ADGRF4: variants seen among roughly 807,000 people sequenced by gnomAD.
The protein encoded by ADGRF4 is G-protein coupled receptor PGR18.
A neutral mutation model predicts 58.5 loss-of-function variants in ADGRF4; 63 were observed. That is an observed-to-expected ratio of 1.08 (90% CI 0.88 to 1.33). The LOEUF (loss-of-function observed/expected upper bound fraction) is 1.33, where lower values mean the gene tolerates loss of function less well. Among genes scored for constraint, ADGRF4 ranks in the 40% most tolerant of loss-of-function variants. ADGRF4 has a pLI of 0.00. For missense variants in ADGRF4, 931 were observed against 843.9 expected (o/e 1.10, Z -1.28); for synonymous variants, 313 against 295.4 (o/e 1.06, Z -0.61).
At chr6:47,703,147 CTT>C (rs1771626163) in intron 1 of ADGRF4, among the ~76,000 whole-genome samples, 1 of 152,188 alleles carries the variant, frequency 6.6e-6, no homozygotes, top group South Asian at 2.1e-4. Flanking sequence ...TTTACTGAAA[CTT>C]TTCAGTTTGG....
intron 1 of ADGRF4, among the ~76,000 whole-genome samples, chr6:47,706,496 T>C (rs984725707): frequency 6.6e-6 from 1 of 152,226 alleles, no homozygotes; most frequent in Non-Finnish European, 1.5e-5. Context: ...TATAGGACAG[T>C]GGTTCTCAAC....
chr6:47,710,621 G>T lies in ADGRF4; in HGVS notation c.149-114G>T. 3.9e-6 allele frequency: 4 copies of T among 1,025,414 alleles called. No homozygotes were observed. The South Asian group carries it at 4.9e-5, about 13-fold the overall frequency. 63.5% of individuals were successfully genotyped at this position (1,025,414 alleles called of 1,614,324 possible). A position where few individuals can be genotyped will look rare whatever the true frequency, so the allele number is the denominator to read the frequency against. ...GCCGTGGACCCAGTTCAACCCAATT[G>T]CCTCCTCCAGGAAGCAATCCAAAAA... On this transcript the variant is annotated intron_variant, in intron 3 of 9. Transcript: ENST00000283303.
Position 47,716,858 on chromosome 6 carries a change from T to C in ADGRF4, c.1974+11T>C. On this transcript the variant is annotated intron_variant, in intron 7 of 9. Transcript: ENST00000283303. ...ATTATGGATCACAAGGTAATTTGAA[T>C]TTGCTTCCTCCTTATAAATGGTTTT... 1 of 1,573,400 alleles carries C rather than the reference T, an allele frequency of 6.4e-7. No individual in the cohort carries two copies. The highest frequency in any genetic ancestry group is 8.7e-7 in the Non-Finnish European group (1 of 1,150,896).
Position 47,707,350 on chromosome 6 carries a change from C to T in ADGRF4, c.93+12C>T. The T allele has an allele frequency of 6.6e-7, 1 of 1,505,052 alleles. No individual in the cohort carries two copies. Among genetic ancestry groups the T allele is most frequent in the Non-Finnish European group, 9.3e-7 (1 of 1,080,424 alleles). 93.2% of individuals were successfully genotyped at this position (1,505,052 alleles called of 1,614,324 possible). A position where few individuals can be genotyped will look rare whatever the true frequency, so the allele number is the denominator to read the frequency against. On this transcript the variant is annotated intron_variant, in intron 2 of 9. Coordinates refer to ENST00000283303, the MANE Select transcript of ADGRF4 (RefSeq NM_153838.5). ...AGATTCACCTAAAAGTAAGTTTGAT[C>T]TATTCCTATGTGATCCGAGGAGAAA...
chr6:47,706,423 C>T (rs1033852672), intron 1 of ADGRF4, among the ~76,000 whole-genome samples: 6 of 152,274 alleles, frequency 3.9e-5, no homozygotes, highest in Non-Finnish European at 7.4e-5. Flanking sequence ...CGGTAGCAGA[C>T]GGTTGGGTTT....
chr6:47,700,988 G>T (rs903920489), intron 1 of ADGRF4, among the ~76,000 whole-genome samples: 143 of 151,650 alleles, frequency 9.4e-4, no homozygotes, highest in African/African-American at 3.2e-3. Flanking sequence ...CAGGCTCTGG[G>T]GGGGAAGAGC....
chr6:47,708,778 A>G (rs1411581351), intron 3 of ADGRF4, among the ~76,000 whole-genome samples: 3 of 152,196 alleles, frequency 2.0e-5, no homozygotes, highest in Non-Finnish European at 4.4e-5. Flanking sequence ...TGTGGTTCTC[A>G]CTCATGTAGT....
Position 47,721,789 on chromosome 6 carries a change from T to A in ADGRF4, c.*584T>A, listed in dbSNP as rs1351122996. 6.6e-6 allele frequency: 1 copy of A among 152,186 alleles called. No homozygotes were observed. The highest frequency in any genetic ancestry group is 2.4e-5 in the African/African-American group (1 of 41,444). 9.4% of individuals were successfully genotyped at this position (152,186 alleles called of 1,614,324 possible). ...AAAGCAAGAGAACTGTTTAATATGC[T>A]GATTATTTTAGTCTATTTTAGACCT... On this transcript the variant is annotated 3_prime_UTR_variant, in exon 10 of 10. Coordinates refer to ENST00000283303, the MANE Select transcript of ADGRF4 (RefSeq NM_153838.5).
rs752979778 is a variant in ADGRF4 at position 47,707,285 on chromosome 6, G to A, written c.40G>A (p.Val14Met). The change falls in exon 2 of 10, where the codon GTG becomes ATG. Residue 14 changes from valine (V) to methionine (M), a missense_variant. Coordinates refer to ENST00000283303, the MANE Select transcript of ADGRF4 (RefSeq NM_153838.5). ...CCAGGCAACCATGATTTGCTGCTTA[G>A]TGTTCTTTCTGTCCACAGAATGTTC... ...KSQATMICCL[V>M]FFLSTECSHY... The A allele has an allele frequency of 8.1e-6, 13 of 1,613,440 alleles. No individual in the cohort carries two copies. The highest frequency in any genetic ancestry group is 1.7e-5 in the Admixed American group (1 of 59,998).
chr6:47,715,317 C>T, intron 6 of ADGRF4, 140 bp downstream of exon 6: 4 of 679,204 alleles, frequency 5.9e-6, no homozygotes, highest in Non-Finnish European at 9.8e-6. Flanking sequence ...GCATCTGTGA[C>T]TGTATTGATT....
chr6:47,712,314 G>T (rs370531060), intron 4 of ADGRF4, 43 bp from the exon 5 acceptor site: 1 of 1,597,510 alleles, frequency 6.3e-7, no homozygotes, highest in South Asian at 1.1e-5. Context: ...TACATGGTAG[G>T]TACTTAATCA....
intron 6 of ADGRF4, chr6:47,715,408 C>T: frequency 2.3e-6 from 1 of 429,744 alleles, no homozygotes; most frequent in Non-Finnish European, 4.1e-6. Context: ...TGTATCCCTA[C>T]TAAAGTTTCA....
At position 47,718,383 on chromosome 6, in the gene ADGRF4, A is replaced by G. The variant is rs778727021; in HGVS notation, c.2035-6A>G. On this transcript the variant is annotated splice_polypyrimidine_tract_variant and splice_region_variant and intron_variant, in intron 8 of 9. Transcript: ENST00000283303. ...TTACCACTACTGTTATTTTTCCCCC[A>G]CTTAGAATGCATCACTAGGCCCAAC... 8 of 1,502,004 alleles carry G rather than the reference A, an allele frequency of 5.3e-6. No individual in the cohort carries two copies. Among genetic ancestry groups the G allele is most frequent in the Non-Finnish European group, 7.4e-6 (8 of 1,077,850 alleles). The allele number at this position is 1,502,004 out of a possible 1,614,324, so 93.0% of individuals were successfully genotyped here.
chr6:47,707,421 C>A, intron 2 of ADGRF4, 83 bp downstream of exon 2: 1 of 813,986 alleles, frequency 1.2e-6, no homozygotes, highest in South Asian at 1.4e-5. Context: ...AATAAGATGT[C>A]ATTTTAAATA....
chr6:47,712,585 A>G lies in ADGRF4; in HGVS notation c.529A>G (p.Asn177Asp). Residue 177 changes from asparagine (N) to aspartate (D), a missense_variant, in exon 5 of 10, where the codon AAT (asparagine) becomes GAT (aspartate). Transcript: ENST00000283303. ...AAATATTTCTACAGACTTGTCTGATAATGTTACTCGAGAGAAAATGAAGGT... is the reference window on the plus strand; with the variant it reads ...AAATATTTCTACAGACTTGTCTGATGATGTTACTCGAGAGAAAATGAAGGT... ...LKNISTDLSD[N>D]VTREKMKSYS... is the part of the protein sequence containing the mutation. 4 of 1,580,754 alleles carry G rather than the reference A, an allele frequency of 2.5e-6. No individual in the cohort carries two copies. Among genetic ancestry groups the G allele is most frequent in the Non-Finnish European group, 3.5e-6 (4 of 1,149,778 alleles).
At chr6:47,715,286 T>C (rs1039023326) in intron 6 of ADGRF4, 109 bp downstream of exon 6, 59 of 835,724 alleles carry the variant, frequency 7.1e-5, no homozygotes, top group Middle Eastern at 2.4e-4. Flanking sequence ...TCCTTTTACA[T>C]CTTAGGGTTA....
intron 1 of ADGRF4, among the ~76,000 whole-genome samples, chr6:47,700,689 C>T (rs565010059): frequency 5.2e-4 from 79 of 152,292 alleles, no homozygotes; most frequent in African/African-American, 1.7e-3. Context: ...AAGAGGAGGT[C>T]CACAGTAGGA....
chr6:47,708,232 T>A lies in ADGRF4; in HGVS notation c.102T>A (p.Asp34Glu). The A allele has an allele frequency of 1.9e-6, 3 of 1,612,160 alleles. No individual in the cohort carries two copies. Among genetic ancestry groups the A allele is most frequent in the Admixed American group, 3.3e-5 (2 of 60,000 alleles). ...GAATTTATATTTTTCAGGCTGGAGA[T>A]AAACTTCAAAGCCCTGAAGGGAAAC... is the stretch of plus-strand genomic sequence containing the variant. ...YRSKIHLKAG[D>E]KLQSPEGKPK... Residue 34 changes from aspartate (D) to glutamate (E), a missense_variant, in exon 3 of 10, where the codon GAT (aspartate) becomes GAA (glutamate). Physicochemically the swap from Asp to Glu is conservative, Grantham distance 45 (BLOSUM62 2). Coordinates refer to ENST00000283303, the MANE Select transcript of ADGRF4 (RefSeq NM_153838.5).
At chr6:47,712,731 T>A in intron 5 of ADGRF4, 123 bp downstream of exon 5, 1 of 695,568 alleles carries the variant, frequency 1.4e-6, no homozygotes, top group Non-Finnish European at 2.4e-6. Flanking sequence ...AGCAGGCATT[T>A]CACTTCGGTT....
Sources: gnomAD v4.1 joint callset for allele counts (sites outside exome capture counted in the v4.1 genomes callset) on GRCh38, gnomAD v4.1.1 for gene constraint, MANE v1.5 for transcripts, NCBI Gene and HGNC (gene_info 2026-07-23, HGNC 2026-07-21) for gene names.